ZC3H7A: variants seen among roughly 807,000 people sequenced by gnomAD.
ZC3H7A encodes the protein zinc finger CCCH domain-containing protein 7A.
In ZC3H7A, 44 loss-of-function variants were observed where a neutral mutation model predicts 125.5. The ratio of observed to expected loss-of-function variants is 0.35; its 90% CI spans 0.28 to 0.45. The LOEUF is 0.45. ZC3H7A is among the 20% of genes least tolerant of loss of function. The pLI, the probability that ZC3H7A is intolerant of heterozygous loss-of-function variation, is 1.00. For synonymous variants in ZC3H7A, 399 were observed against 391.2 expected (o/e 1.02, Z -0.23); for missense variants, 977 against 1,170.7 (o/e 0.83, Z 2.41).
chr16:11,766,590 A>C (rs1278157300), intron 13 of ZC3H7A, among the ~76,000 whole-genome samples: 1 of 151,966 alleles, frequency 6.6e-6, no homozygotes, highest in Non-Finnish European at 1.5e-5. Flanking sequence ...TAAATAAATA[A>C]AATAAAACCT....
In ZC3H7A at chr16:11,762,603, A is replaced by C. The variant is rs1312793892; in HGVS notation, c.2079+68T>G. 4 of 1,464,710 alleles carry C rather than the reference A, an allele frequency of 2.7e-6. No individual in the cohort carries two copies. The Admixed American group carries it at 6.8e-5, about 25-fold the overall frequency. 90.7% of individuals were successfully genotyped at this position (1,464,710 alleles called of 1,614,324 possible). A position where few individuals can be genotyped will look rare whatever the true frequency, so the allele number is the denominator to read the frequency against. On this transcript the variant is annotated intron_variant, in intron 17 of 22. Transcript: ENST00000355758. ...CTGTAAGTGTTAACTGCATCCACCA[A>C]CAACCAACATCTATTACGCAATTCC...
intron 7 of ZC3H7A, chr16:11,775,534 A>G (rs1187668377): frequency 6.6e-6 from 1 of 152,332 alleles, no homozygotes; most frequent in Admixed American, 6.5e-5. Flanking sequence ...GCTGCCACTT[A>G]TTTCTCGTGG....
In ZC3H7A at chr16:11,771,842, A is replaced by G. The variant is rs2052988518; in HGVS notation, c.904-855T>C. On this transcript the variant is annotated intron_variant, in intron 9 of 22. Coordinates refer to ENST00000355758, the MANE Select transcript of ZC3H7A (RefSeq NM_014153.4). ...AATCCAAATGTTACATTCATGTTTC[A>G]TCTGCAAAACTTCCTTATGCTTCCC... Among the ~76,000 whole-genome samples the G allele has an allele frequency of 2.0e-5, 3 of 152,092 alleles. No homozygotes were observed. The South Asian group carries it at 6.2e-4, about 31-fold the overall frequency.
At chr16:11,787,872 G>A (rs1596404827) in intron 1 of ZC3H7A, among the ~76,000 whole-genome samples, 1 of 152,048 alleles carries the variant, frequency 6.6e-6, no homozygotes, top group Non-Finnish European at 1.5e-5. Context: ...TTTGAACCCA[G>A]GAGGCAGAGG....
In ZC3H7A at chr16:11,765,737, C is replaced by G; in HGVS notation, c.1523-52G>C. 3.9e-6 allele frequency: 6 copies of G among 1,542,868 alleles called. No individual in the cohort carries two copies. Among genetic ancestry groups the G allele is most frequent in the Non-Finnish European group, 5.3e-6 (6 of 1,136,748 alleles). ...TTGAAAACATGGCAATTGGCCTGTA[C>G]TCCCAGCTACTTGGGAGGCTGAGGT... On this transcript the variant is annotated intron_variant, in intron 13 of 22. Transcript: ENST00000355758. The surrounding 1 kb of genome is among the most constrained non-coding windows in gnomAD (Gnocchi z 4.8).
intron 1 of ZC3H7A, among the ~76,000 whole-genome samples, chr16:11,792,996 G>C (rs2053377880): frequency 6.6e-6 from 1 of 152,202 alleles, no homozygotes; most frequent in Non-Finnish European, 1.5e-5. Context: ...ATGCAACTCA[G>C]ACAAAGCAGA....
intron 3 of ZC3H7A, among the ~76,000 whole-genome samples, chr16:11,779,875 TTA>T (rs200811687): frequency 0.011 from 1,167 of 102,500 alleles, 12 homozygotes; most frequent in African/African-American, 0.063. Context: ...TTGTGTTTAT[TTA>T]TTTTTTTTAA....
In ZC3H7A at chr16:11,776,436, G is replaced by C. The variant is rs1434471194; in HGVS notation, c.546+16C>G. ...AAACAAAATGAAAACACCTTATGCA[G>C]AGAACTCCAGCTTACCTCAGCTCTG... On this transcript the variant is annotated intron_variant, in intron 6 of 22. Coordinates refer to ENST00000355758, the MANE Select transcript of ZC3H7A (RefSeq NM_014153.4). 6.2e-7 allele frequency: 1 copy of C among 1,605,892 alleles called. No individual in the cohort carries two copies. Among genetic ancestry groups the C allele is most frequent in the Admixed American group, 1.7e-5 (1 of 58,006 alleles).
At chr16:11,760,138 A>AAAAAAAAAAAAAAAAG (rs1567374763) in intron 19 of ZC3H7A, among the ~76,000 whole-genome samples, 18 of 145,592 alleles carry the variant, frequency 1.2e-4, no homozygotes, top group Non-Finnish European at 2.0e-4. Flanking sequence ...AAAAAAAAAA[A>AAAAAAAAAAAAAAAAG]AAAAAAAGAA....
Position 11,776,304 on chromosome 16 carries a change from G to T in ZC3H7A, c.585+16C>A. ...TTTAAAAAAAAATATAATTTTGACA[G>T]AAAAAATAACTTTACCTTGGTAGCC... is the stretch of plus-strand genomic sequence containing the variant. On this transcript the variant is annotated intron_variant, in intron 7 of 22. Coordinates refer to ENST00000355758, the MANE Select transcript of ZC3H7A (RefSeq NM_014153.4). 1 of 1,590,634 alleles carries T rather than the reference G, an allele frequency of 6.3e-7. No individual in the cohort carries two copies. The highest frequency in any genetic ancestry group is 1.2e-5 in the South Asian group (1 of 85,478).
intron 4 of ZC3H7A, among the ~76,000 whole-genome samples, chr16:11,778,698 C>A (rs1195276144): frequency 3.9e-5 from 6 of 151,910 alleles, no homozygotes; most frequent in Non-Finnish European, 8.8e-5. Flanking sequence ...CTGTCCAAAG[C>A]TAATTTTTAT....
intron 9 of ZC3H7A, among the ~76,000 whole-genome samples, chr16:11,771,363 G>A (rs1016824336): frequency 1.3e-5 from 2 of 151,678 alleles, no homozygotes; most frequent in African/African-American, 4.8e-5. Context: ...ACTACAGCCT[G>A]GGCGACAGAG....
rs781364619 is a variant in ZC3H7A, at chr16:11,774,333, G to C, written c.806C>G (p.Thr269Ser). The change falls in exon 9 of 23, where the codon ACT becomes AGT. Residue 269 changes from threonine to serine, a missense_variant. By Grantham distance (58) the Thr-to-Ser change is moderately conservative. Around this residue, in one of 3 missense-constraint regions of ZC3H7A, gnomAD observed 342 missense variants for 311.3 expected, o/e 1.10. Coordinates refer to ENST00000355758, the MANE Select transcript of ZC3H7A (RefSeq NM_014153.4). ...VLANGGKMPF[T>S]MPEAFLDDGD... ...ATCATCTAGAAAAGCTTCTGGCATA[G>C]TGAAGGGCATCTTTCCTCCATTTGC... 7 of 1,613,942 alleles carry C rather than the reference G, an allele frequency of 4.3e-6. No homozygotes were observed. The Admixed American group carries it at 5.0e-5, about 12-fold the overall frequency.
intron 10 of ZC3H7A, among the ~76,000 whole-genome samples, chr16:11,769,570 G>C (rs1763419037): frequency 6.6e-6 from 1 of 151,114 alleles, no homozygotes; most frequent in Admixed American, 6.6e-5. Flanking sequence ...AATTTGCCAG[G>C]TGTGATGGCA....
chr16:11,752,725 G>A lies in ZC3H7A; in HGVS notation c.2670C>T (p.Asp890=), dbSNP rs543594008. The A allele has an allele frequency of 2.5e-4, 397 of 1,614,130 alleles. 8 individuals carry two copies. In the South Asian group the frequency reaches 3.6e-3, roughly 15 times the overall value. Residue 890 remains aspartate, a synonymous_variant, in exon 22 of 23, where the codon GAC becomes GAT. Transcript: ENST00000355758. ...KHKEKVFHTE[D]DQYCWQHRFP... The stretch of plus-strand genomic sequence containing the variant: ...AGCGGTGCTGCCAGCAGTACTGGTC[G>A]TCCTCGGTGTGGAAAACCTTCTCTT...
chr16:11,785,705 C>T (rs148524515), intron 1 of ZC3H7A, among the ~76,000 whole-genome samples: 3,402 of 152,258 alleles, frequency 0.022, 73 homozygotes, highest in Non-Finnish European at 0.036. Flanking sequence ...CTGCAACCTC[C>T]GCCTCCCGGC....
intron 20 of ZC3H7A, among the ~76,000 whole-genome samples, chr16:11,757,850 C>T (rs894795713): frequency 6.6e-6 from 1 of 152,138 alleles, no homozygotes; most frequent in Admixed American, 6.5e-5. Flanking sequence ...AGACTGCAGT[C>T]AGTATACCTT....
At chr16:11,783,086 C>A (rs887128092) in intron 1 of ZC3H7A, 1 of 152,098 alleles carries the variant, frequency 6.6e-6, no homozygotes, top group Non-Finnish European at 1.5e-5. Flanking sequence ...CAGTTCCAGC[C>A]TTGTTTTGCT....
intron 1 of ZC3H7A, among the ~76,000 whole-genome samples, chr16:11,790,079 C>CAAAAAAAAAAAAAAAAAAAAAAAAAA (rs150579733): frequency 1.4e-5 from 1 of 73,552 alleles, no homozygotes; most frequent in African/African-American, 5.0e-5. Flanking sequence ...GACTCCATCT[C>CAAAAAAAAAAAAAAAAAAAAAAAAAA]AAAAAAAAAA....
Sources: allele counts gnomAD v4.1 joint callset (sites outside exome capture counted in the v4.1 genomes callset), GRCh38; gene constraint gnomAD v4.1.1; regional missense constraint gnomAD v4.1.1; non-coding constraint Gnocchi (gnomAD v3.1); transcripts MANE v1.5; gene names NCBI Gene and HGNC (gene_info 2026-07-23, HGNC 2026-07-21).